Variants in NKAIN2 observed in about 807,000 individuals in gnomAD.
The protein encoded by NKAIN2 is sodium/potassium-transporting ATPase subunit beta-1-interacting protein 2.
Under a neutral mutation model 32.6 loss-of-function variants are expected in NKAIN2, and 14 were observed. The ratio of observed to expected loss-of-function variants is 0.43; its 90% CI spans 0.28 to 0.67. The LOEUF is 0.67. NKAIN2 is among the 30% of genes least tolerant of loss of function. The pLI, the probability that NKAIN2 is intolerant of heterozygous loss-of-function variation, is 0.17. For missense variants in NKAIN2, 198 were observed against 258.3 expected, an observed-to-expected ratio of 0.77 and a Z score of 1.60; for synonymous variants, 80 against 87.2, an observed-to-expected ratio of 0.92 and a Z score of 0.46.
intron 1 of NKAIN2, among the ~76,000 whole-genome samples, chr6:123,867,993 C>T (rs1015156034): frequency 9.2e-5 from 14 of 151,968 alleles, no homozygotes; most frequent in Admixed American, 5.2e-4. Context: ...CTCAGCCTCC[C>T]GAGTAGCTGG....
At chr6:124,569,547 A>G (rs538149901) in intron 3 of NKAIN2, among the ~76,000 whole-genome samples, 9 of 152,230 alleles carry the variant, frequency 5.9e-5, no homozygotes, top group Middle Eastern at 3.4e-3. Flanking sequence ...GGTCTTTCCC[A>G]TGCTATTCCC....
intron 1 of NKAIN2, among the ~76,000 whole-genome samples, chr6:124,069,604 C>G (rs1472275720): frequency 6.6e-6 from 1 of 152,184 alleles, no homozygotes; most frequent in Non-Finnish European, 1.5e-5. Context: ...TCTAATTAGA[C>G]AGGTGACCTA....
At chr6:124,337,029 C>G (rs935397903) in intron 2 of NKAIN2, among the ~76,000 whole-genome samples, 41 of 152,026 alleles carry the variant, frequency 2.7e-4, no homozygotes, top group African/African-American at 8.4e-4. Context: ...AGATTGGAAC[C>G]CTGCTTTTGT....
chr6:124,224,659 TG>T (rs1417947485), intron 1 of NKAIN2, among the ~76,000 whole-genome samples: 1 of 152,068 alleles, frequency 6.6e-6, no homozygotes, highest in African/African-American at 2.4e-5. Flanking sequence ...AACTAAGAGA[TG>T]GTTATTTAAT....
intron 1 of NKAIN2, among the ~76,000 whole-genome samples, chr6:124,135,456 A>G (rs1484885797): frequency 6.6e-6 from 1 of 150,670 alleles, no homozygotes; most frequent in Admixed American, 6.6e-5. Context: ...ATGAAAACCA[A>G]AATCAAGCAG....
chr6:124,726,013 G>A (rs1776279152), intron 4 of NKAIN2, among the ~76,000 whole-genome samples: 2 of 152,150 alleles, frequency 1.3e-5, no homozygotes, highest in African/African-American at 2.4e-5. Flanking sequence ...CTTAAAAAAC[G>A]GCACACCACC....
chr6:124,241,646 A>T (rs969701861), intron 1 of NKAIN2, among the ~76,000 whole-genome samples: 1 of 152,142 alleles, frequency 6.6e-6, no homozygotes, highest in African/African-American at 2.4e-5. Flanking sequence ...ACGGGAAAGG[A>T]TTCCCTGTTT....
chr6:124,259,075 G>A (rs919243823), intron 1 of NKAIN2, among the ~76,000 whole-genome samples: 3 of 152,040 alleles, frequency 2.0e-5, no homozygotes, highest in Non-Finnish European at 4.4e-5. Flanking sequence ...ACTGAGGAGG[G>A]GTTTACCTCA....
intron 3 of NKAIN2, among the ~76,000 whole-genome samples, chr6:124,508,138 T>C (rs1778562085): frequency 6.6e-6 from 1 of 150,586 alleles, no homozygotes. Context: ...ACACCTGTAG[T>C]CCTAGCTACT....
At chr6:123,938,582 T>C (rs1776668151) in intron 1 of NKAIN2, among the ~76,000 whole-genome samples, 1 of 142,466 alleles carries the variant, frequency 7.0e-6, no homozygotes, top group Non-Finnish European at 1.5e-5. Flanking sequence ...TATATATTTA[T>C]ATAGTTTTTA....
At chr6:123,831,630 G>A (rs1248744539) in intron 1 of NKAIN2, among the ~76,000 whole-genome samples, 4 of 150,742 alleles carry the variant, frequency 2.7e-5, no homozygotes, top group Non-Finnish European at 5.9e-5. Flanking sequence ...TTCCACATCA[G>A]AGTGGTACCT....
intron 1 of NKAIN2, among the ~76,000 whole-genome samples, chr6:123,961,801 A>T (rs1562279769): frequency 6.6e-6 from 1 of 152,174 alleles, no homozygotes; most frequent in Admixed American, 6.6e-5. Flanking sequence ...TTTGAGCACC[A>T]TTACTCACAA....
At chr6:123,917,893 A>AC (rs1281985385) in intron 1 of NKAIN2, among the ~76,000 whole-genome samples, 1 of 152,158 alleles carries the variant, frequency 6.6e-6, no homozygotes, top group Non-Finnish European at 1.5e-5. Flanking sequence ...GAGCCGCTGG[A>AC]CCAGCTTACA....
At chr6:124,384,671 A>G (rs1772810364) in intron 3 of NKAIN2, among the ~76,000 whole-genome samples, 1 of 152,096 alleles carries the variant, frequency 6.6e-6, no homozygotes, top group Non-Finnish European at 1.5e-5. Flanking sequence ...CCTATGCTGG[A>G]GTGCAGTGGC....
intron 3 of NKAIN2, among the ~76,000 whole-genome samples, chr6:124,560,832 A>C (rs1411819460): frequency 6.6e-6 from 1 of 152,212 alleles, no homozygotes; most frequent in Non-Finnish European, 1.5e-5. Flanking sequence ...CAAAACCTGA[A>C]AAATGACCAA....
At chr6:124,516,380 T>C (rs1778915230) in intron 3 of NKAIN2, among the ~76,000 whole-genome samples, 1 of 151,668 alleles carries the variant, frequency 6.6e-6, no homozygotes, top group Non-Finnish European at 1.5e-5. Flanking sequence ...TAAAAGATTT[T>C]GTGTTATTTT....
intron 1 of NKAIN2, among the ~76,000 whole-genome samples, chr6:123,996,021 C>A (rs896753569): frequency 2.0e-5 from 3 of 152,022 alleles, no homozygotes; most frequent in African/African-American, 7.2e-5. Context: ...ATTTTTATTA[C>A]AATCCTCATG....
chr6:124,656,195 A>G (rs1312605364), intron 3 of NKAIN2, among the ~76,000 whole-genome samples: 2 of 152,194 alleles, frequency 1.3e-5, no homozygotes. Context: ...TTCTGCTACC[A>G]TTGGATAAAA....
chr6:124,342,236 CT>C (rs1448557849), intron 2 of NKAIN2, among the ~76,000 whole-genome samples: 1 of 146,430 alleles, frequency 6.8e-6, no homozygotes, highest in African/African-American at 2.6e-5. Context: ...CCCGTGTCTA[CT>C]AAAAAAAAAA....
Sources: gnomAD v4.1 joint callset for allele counts (sites outside exome capture counted in the v4.1 genomes callset) on GRCh38, gnomAD v4.1.1 for gene constraint, MANE v1.5 for transcripts, NCBI Gene and HGNC (gene_info 2026-07-23, HGNC 2026-07-21) for gene names.